CYP27C1: variants seen among roughly 807,000 people sequenced by gnomAD.
The protein encoded by CYP27C1 is cytochrome P450 family 27 subfamily C member 1, also known as cytochrome P450 27C1.
In CYP27C1, 29 loss-of-function variants were observed where a neutral mutation model predicts 40.6. The observed-to-expected ratio is 0.71, with a 90% CI of 0.53 to 0.97. CYP27C1 has a LOEUF of 0.97. Ranked by LOEUF, CYP27C1 falls within the 50% of genes least tolerant of loss-of-function variation. CYP27C1 has a pLI of 0.00. For synonymous variants in CYP27C1, 198 were observed against 186.8 expected, an observed-to-expected ratio of 1.06 and a Z score of -0.49; for missense variants, 390 against 485.8, an observed-to-expected ratio of 0.80 and a Z score of 1.85.
chr2:127,192,297 A>G (rs1682797284), intron 8 of CYP27C1, among the ~76,000 whole-genome samples: 1 of 152,270 alleles, frequency 6.6e-6, no homozygotes, highest in Non-Finnish European at 1.5e-5. Flanking sequence ...GCAACGATGG[A>G]GCTCCCAAAC....
intron 1 of CYP27C1, among the ~76,000 whole-genome samples, chr2:127,217,823 G>C (rs1343764354): frequency 6.6e-6 from 1 of 152,268 alleles, no homozygotes; most frequent in East Asian, 1.9e-4. Flanking sequence ...TGGATGTGAT[G>C]GGCCACAGAA....
intron 2 of CYP27C1, among the ~76,000 whole-genome samples, chr2:127,204,529 GA>G (rs1462661236): frequency 2.4e-5 from 1 of 41,896 alleles, no homozygotes; most frequent in African/African-American, 9.2e-5. Context: ...AAGAAAGAAA[GA>G]AAGAAAGAGA....
chr2:127,199,434 A>G lies in CYP27C1; in HGVS notation c.989T>C (p.Leu330Pro). The change falls in exon 5 of 9, where the codon CTG (leucine) becomes CCG (proline). Residue 330 changes from leucine to proline, a missense_variant. By Grantham distance (98) the Leu-to-Pro change is moderately conservative. Coordinates refer to ENST00000664447, the MANE Select transcript of CYP27C1 (RefSeq NM_001367502.1). ...GTTGGCGTAGATCTCCTGCAGCGTC[A>G]GAGCCTGGCTAAGGAAGAGGTATGT... Reference protein sequence around the residue: ...LLTYLFLSQALTLQEIYANVT... With the variant: ...LLTYLFLSQAPTLQEIYANVT... 6.2e-7 allele frequency: 1 copy of G among 1,614,056 alleles called. No individual in the cohort carries two copies. The highest frequency in any genetic ancestry group is 8.5e-7 in the Non-Finnish European group (1 of 1,179,982).
Position 127,200,169 on chromosome 2 carries a change from G to A in CYP27C1, c.884-630C>T, listed in dbSNP as rs148970736. ...TAATTTTTGTATTTTTAGTAGAGAC[G>A]CAGTTTCGCCATGTTGGCCAGGCTG... On this transcript the variant is annotated intron_variant, in intron 4 of 8. Transcript: ENST00000664447. This position sits in a 1 kb window ranked among gnomAD's most constrained non-coding sequence, Gnocchi z 4.2. Among the ~76,000 whole-genome samples, 1,780 of 152,236 alleles carry A rather than the reference G, an allele frequency of 0.012. 30 individuals are homozygous for A. Among genetic ancestry groups the A allele is most frequent in the African/African-American group, 0.04 (1,659 of 41,536 alleles).
intron 1 of CYP27C1, among the ~76,000 whole-genome samples, chr2:127,207,175 G>T (rs982349059): frequency 2.6e-4 from 40 of 152,068 alleles, no homozygotes; most frequent in South Asian, 4.2e-4. Flanking sequence ...GATAAGGTTG[G>T]GCAACATGGC....
At chr2:127,190,065 G>C (rs542423409) in intron 8 of CYP27C1, among the ~76,000 whole-genome samples, 3 of 152,092 alleles carry the variant, frequency 2.0e-5, no homozygotes, top group African/African-American at 7.2e-5. Flanking sequence ...CCCTGTCTAG[G>C]TTCAGGATAA....
intron 1 of CYP27C1, among the ~76,000 whole-genome samples, chr2:127,206,319 GTTTT>G (rs869165240): frequency 3.0e-5 from 4 of 132,136 alleles, no homozygotes; most frequent in Admixed American, 8.1e-5. Context: ...TTGTTTGTTT[GTTTT>G]TTAGAGACAG....
At position 127,219,956 on chromosome 2, in the gene CYP27C1, G is replaced by C. The variant is rs894012731; in HGVS notation, c.282+33C>G. ...CCGTCAGCCTTCTGGGCAGCAGCCC[G>C]GGCTGGCTCCCTCCCGGGGCGGCGC... On this transcript the variant is annotated intron_variant, in intron 1 of 8. Coordinates refer to ENST00000664447, the MANE Select transcript of CYP27C1 (RefSeq NM_001367502.1). This position sits in a 1 kb window ranked among gnomAD's most constrained non-coding sequence, Gnocchi z 8.7. 6.6e-6 allele frequency: 1 copy of C among 151,988 alleles called. No individual in the cohort carries two copies. The highest frequency in any genetic ancestry group is 2.4e-5 in the African/African-American group (1 of 41,400). 9.4% of individuals were successfully genotyped at this position (151,988 alleles called of 1,614,324 possible).
chr2:127,202,591 C>T (rs1683059855), intron 3 of CYP27C1, among the ~76,000 whole-genome samples: 1 of 152,184 alleles, frequency 6.6e-6, no homozygotes, highest in Non-Finnish European at 1.5e-5. Flanking sequence ...TTGCTGCATT[C>T]AGGAAAGAGG....
rs965735959 is a variant in CYP27C1 at position 127,200,699 on chromosome 2, C to T, written c.883+423G>A. ...ATCCATGGCCAGGCGTGGTGGCTCA[C>T]ACTTGTAATCCCAGCACTTTAGGAG... On this transcript the variant is annotated intron_variant, in intron 4 of 8. Transcript: ENST00000664447. This position sits in a 1 kb window ranked among gnomAD's most constrained non-coding sequence, Gnocchi z 4.2. 1.3e-5 allele frequency among the ~76,000 whole-genome samples: 2 copies of T among 152,110 alleles called. No homozygotes were observed. Among genetic ancestry groups the T allele is most frequent in the African/African-American group, 4.8e-5 (2 of 41,424 alleles).
At chr2:127,207,441 C>A (rs1683250535) in intron 1 of CYP27C1, among the ~76,000 whole-genome samples, 1 of 152,110 alleles carries the variant, frequency 6.6e-6, no homozygotes, top group Admixed American at 6.5e-5. Flanking sequence ...TTGCAGTGAG[C>A]CGCAAGACTG....
rs760010549 is a variant in CYP27C1, at chr2:127,201,074, G to T, written c.883+48C>A. The T allele has an allele frequency of 3.8e-6, 6 of 1,563,440 alleles. No homozygotes were observed. Among genetic ancestry groups the T allele is most frequent in the Admixed American group, 1.7e-5 (1 of 59,628 alleles). The stretch of plus-strand genomic sequence containing the variant: ...TGGATGAGAGTTAGACACACAACAC[G>T]GCAGGTCAACCTGCTTCTGCAAAAG... On this transcript the variant is annotated intron_variant, in intron 4 of 8. Coordinates refer to ENST00000664447, the MANE Select transcript of CYP27C1 (RefSeq NM_001367502.1). The surrounding 1 kb of genome is among the most constrained non-coding windows in gnomAD (Gnocchi z 6.0).
In CYP27C1 at chr2:127,209,084, C is replaced by T. The variant is rs1018612190; in HGVS notation, c.283-2994G>A. Among the ~76,000 whole-genome samples the T allele has an allele frequency of 2.0e-5, 3 of 152,166 alleles. No individual in the cohort carries two copies. Among genetic ancestry groups the T allele is most frequent in the African/African-American group, 7.2e-5 (3 of 41,422 alleles). ...AATAGGGGTTGTCAGATACCCTATA[C>T]AGAAGCAATCCTACTGGCATCAGGT... On this transcript the variant is annotated intron_variant, in intron 1 of 8. Transcript: ENST00000664447. The surrounding 1 kb of genome is among the most constrained non-coding windows in gnomAD (Gnocchi z 4.1).
chr2:127,192,966 G>T, intron 8 of CYP27C1, 128 bp downstream of exon 8: 1 of 1,225,024 alleles, frequency 8.2e-7, no homozygotes, highest in Non-Finnish European at 1.1e-6. Flanking sequence ...GTGAGCCACA[G>T]TGCCTGACGG....
chr2:127,214,103 C>A (rs1683383274), intron 1 of CYP27C1, among the ~76,000 whole-genome samples: 1 of 152,114 alleles, frequency 6.6e-6, no homozygotes, highest in Non-Finnish European at 1.5e-5. Flanking sequence ...CAGAGAAATG[C>A]AAATCAAAAC....
chr2:127,206,961 G>A (rs1454370870), intron 1 of CYP27C1, among the ~76,000 whole-genome samples: 1 of 152,166 alleles, frequency 6.6e-6, no homozygotes, highest in Non-Finnish European at 1.5e-5. Flanking sequence ...AAGTTCAATA[G>A]GACACAAAAT....
At chr2:127,194,038 C>T (rs911851155) in intron 6 of CYP27C1, among the ~76,000 whole-genome samples, 171 bp from the exon 7 acceptor site, 1 of 152,226 alleles carries the variant, frequency 6.6e-6, no homozygotes, top group African/African-American at 2.4e-5. Context: ...TCTTTGTTGG[C>T]TTGCTTTACC....
intron 8 of CYP27C1, among the ~76,000 whole-genome samples, chr2:127,189,946 A>G (rs1222508444): frequency 6.6e-6 from 1 of 152,190 alleles, no homozygotes; most frequent in Non-Finnish European, 1.5e-5. Flanking sequence ...CCAGGTTTGA[A>G]TATCAAGGTT....
intron 5 of CYP27C1, among the ~76,000 whole-genome samples, chr2:127,197,316 A>G (rs1682925978): frequency 6.6e-6 from 1 of 152,218 alleles, no homozygotes; most frequent in African/African-American, 2.4e-5. Context: ...TAAGGAGTTT[A>G]TGCTGTGTGG....
Sources: gnomAD v4.1 joint callset for allele counts (sites outside exome capture counted in the v4.1 genomes callset) on GRCh38, gnomAD v4.1.1 for gene constraint, Gnocchi (gnomAD v3.1) non-coding constraint, MANE v1.5 for transcripts, NCBI Gene and HGNC (gene_info 2026-07-23, HGNC 2026-07-21) for gene names.